Variants in EXOC6 observed in about 807,000 individuals in gnomAD.
The protein encoded by EXOC6 is exocyst complex component 6, also known as SEC15-like 1.
Under a neutral mutation model 112.5 loss-of-function variants are expected in EXOC6, and 60 were observed. The observed-to-expected ratio is 0.53, with a 90% CI of 0.43 to 0.66. EXOC6 has a LOEUF of 0.66. Ranked by LOEUF, EXOC6 falls within the 30% of genes least tolerant of loss-of-function variation. The probability of loss-of-function intolerance (pLI) is 0.00; values close to 1 mark genes in which losing one functional copy is unlikely to be tolerated. For missense variants in EXOC6, 855 were observed against 957.1 expected, an observed-to-expected ratio of 0.89 and a Z score of 1.41; for synonymous variants, 295 against 308.0, an observed-to-expected ratio of 0.96 and a Z score of 0.44.
At chr10:93,017,434 A>G (rs968546574) in intron 20 of EXOC6, among the ~76,000 whole-genome samples, 1 of 151,646 alleles carries the variant, frequency 6.6e-6, no homozygotes, top group Non-Finnish European at 1.5e-5. Flanking sequence ...TCTAAAATAC[A>G]AAAAATTAAC....
chr10:92,997,393 G>A (rs979080943), intron 18 of EXOC6, 81 bp from the exon 19 acceptor site: 3 of 1,312,304 alleles, frequency 2.3e-6, no homozygotes, highest in Non-Finnish European at 2.1e-6. Context: ...AGAATGCCAG[G>A]TGTATGATTT....
chr10:92,838,981 G>A (rs1846747603), intron 1 of EXOC6, among the ~76,000 whole-genome samples: 1 of 152,074 alleles, frequency 6.6e-6, no homozygotes, highest in Admixed American at 6.6e-5. Flanking sequence ...GCTGAAGCGG[G>A]AGAATCACTT....
At chr10:93,006,710 A>G (rs1844000440) in intron 19 of EXOC6, among the ~76,000 whole-genome samples, 2 of 152,210 alleles carry the variant, frequency 1.3e-5, no homozygotes, top group Admixed American at 6.5e-5. Context: ...TTGTCTAATA[A>G]CAAAGTTTGT....
At chr10:92,997,669 T>A in intron 19 of EXOC6, 54 bp downstream of exon 19, 4 of 1,469,712 alleles carry the variant, frequency 2.7e-6, no homozygotes, top group Admixed American at 4.2e-5. Flanking sequence ...ATGCTTAAAT[T>A]ATATGAAAAA....
upstream of EXOC6, chr10:92,831,276 G>C: frequency 7.8e-7 from 1 of 1,273,966 alleles, no homozygotes; most frequent in Admixed American, 2.3e-5. Flanking sequence ...CAGGACAGAA[G>C]ACCTTGAATC....
chr10:92,947,351 C>T (rs1418875261), intron 13 of EXOC6, among the ~76,000 whole-genome samples: 2 of 152,204 alleles, frequency 1.3e-5, no homozygotes, highest in Non-Finnish European at 2.9e-5. Context: ...CTCAAAGCAA[C>T]ACATGTCACT....
upstream of EXOC6, among the ~76,000 whole-genome samples, chr10:92,832,847 GA>G (rs959616352): frequency 2.3e-4 from 35 of 152,062 alleles, no homozygotes; most frequent in African/African-American, 8.2e-4. Flanking sequence ...ATTTTTAGTA[GA>G]GACAGGGTCT....
intron 9 of EXOC6, among the ~76,000 whole-genome samples, chr10:92,929,557 G>A (rs1235469357): frequency 6.6e-6 from 1 of 152,144 alleles, no homozygotes; most frequent in African/African-American, 2.4e-5. Flanking sequence ...TGAATTATTA[G>A]CCATAGAGTA....
At chr10:92,922,091 G>A (rs559381426) in intron 8 of EXOC6, among the ~76,000 whole-genome samples, 81 of 151,706 alleles carry the variant, frequency 5.3e-4, no homozygotes, top group Non-Finnish European at 5.7e-4. Flanking sequence ...GATTACAGGC[G>A]CCTGCCACCA....
At chr10:92,928,935 C>A (rs1468694681) in intron 9 of EXOC6, among the ~76,000 whole-genome samples, 1 of 152,164 alleles carries the variant, frequency 6.6e-6, no homozygotes, top group East Asian at 1.9e-4. Context: ...CTCAATATAT[C>A]TGACTATAAA....
rs375671696 is a variant in EXOC6 at position 92,887,714 on chromosome 10, C to T, written c.102-5635C>T. Among the ~76,000 whole-genome samples the T allele has an allele frequency of 2.0e-5, 3 of 152,164 alleles. No individual in the cohort carries two copies. In the South Asian group the frequency reaches 6.2e-4, roughly 32 times the overall value. The stretch of plus-strand genomic sequence containing the variant: ...GCCACCGTGCCCAGCCGATTAATTC[C>T]ATTTTGAGCGCTTGCTTGCTGGCTT... On this transcript the variant is annotated intron_variant, in intron 1 of 21. Coordinates refer to ENST00000260762, the MANE Select transcript of EXOC6 (RefSeq NM_019053.6).
chr10:93,010,124 G>A (rs1844173428), intron 19 of EXOC6, among the ~76,000 whole-genome samples: 1 of 152,176 alleles, frequency 6.6e-6, no homozygotes, highest in African/African-American at 2.4e-5. Flanking sequence ...GGAAAAATAC[G>A]AAGCTGTGAA....
chr10:92,962,248 A>G (rs1039468011), intron 17 of EXOC6, among the ~76,000 whole-genome samples: 1 of 152,150 alleles, frequency 6.6e-6, no homozygotes, highest in Non-Finnish European at 1.5e-5. Context: ...GTCCCAAAAG[A>G]TAGTCCTGTA....
chr10:93,056,327 G>C lies in EXOC6; in HGVS notation c.2170-597G>C, dbSNP rs78448561. Among the ~76,000 whole-genome samples, 771 of 152,296 alleles carry C rather than the reference G, an allele frequency of 5.1e-3. 4 individuals carry two copies. The highest frequency in any genetic ancestry group is 0.013 in the African/African-American group (535 of 41,564). ...TGTTGTTTGTTTATACAAAATGGTA[G>C]CCTAGAGTTAACAGGCTGAATCCTG... On this transcript the variant is annotated intron_variant, in intron 20 of 21. Transcript: ENST00000260762.
intron 18 of EXOC6, among the ~76,000 whole-genome samples, chr10:92,980,755 C>G (rs1010443545): frequency 6.6e-6 from 1 of 152,114 alleles, no homozygotes; most frequent in African/African-American, 2.4e-5. Flanking sequence ...TGCCAATTTT[C>G]AATATTTTAA....
chr10:93,038,215 G>GAATATTATAACCAC (rs2090314697), intron 20 of EXOC6, among the ~76,000 whole-genome samples: 2 of 151,614 alleles, frequency 1.3e-5, no homozygotes, highest in African/African-American at 4.8e-5. Flanking sequence ...ACATACTAGT[G>GAATATTATAACCAC]GATATTATAA....
intron 11 of EXOC6, among the ~76,000 whole-genome samples, 156 bp from the exon 12 acceptor site, chr10:92,935,658 G>T (rs1016951692): frequency 6.6e-6 from 1 of 152,050 alleles, no homozygotes; most frequent in East Asian, 1.9e-4. Flanking sequence ...AATAGAGAAG[G>T]TCTGTTGTGA....
intron 6 of EXOC6, among the ~76,000 whole-genome samples, chr10:92,911,721 G>A (rs1221271065): frequency 6.6e-6 from 1 of 152,030 alleles, no homozygotes; most frequent in Non-Finnish European, 1.5e-5. Context: ...CCTTTTCTTA[G>A]CATCTCTCTG....
chr10:92,960,704 C>T (rs952611196), intron 17 of EXOC6, among the ~76,000 whole-genome samples: 5 of 151,662 alleles, frequency 3.3e-5, no homozygotes, highest in Non-Finnish European at 7.4e-5. Flanking sequence ...ATCTTTTTTC[C>T]TCTCAGTACT....
Sources: allele counts gnomAD v4.1 joint callset (sites outside exome capture counted in the v4.1 genomes callset), GRCh38; gene constraint gnomAD v4.1.1; transcripts MANE v1.5; gene names NCBI Gene and HGNC (gene_info 2026-07-23, HGNC 2026-07-21).